The following OR2L13 variants were observed in gnomAD, a reference collection of about 807,000 sequenced individuals.
The protein encoded by OR2L13 is olfactory receptor 2L13.
In OR2L13, 14 loss-of-function variants were observed where a neutral mutation model predicts 15.3. That is an observed-to-expected ratio of 0.91 (90% confidence interval 0.60 to 1.43). OR2L13 has a LOEUF of 1.43. Among genes scored for constraint, OR2L13 ranks in the 40% most tolerant of loss-of-function variants. The pLI, the probability that OR2L13 is intolerant of heterozygous loss-of-function variation, is 0.00. For missense variants in OR2L13, 367 were observed against 387.9 expected, an observed-to-expected ratio of 0.95 and a Z score of 0.45; for synonymous variants, 152 against 142.9, an observed-to-expected ratio of 1.06 and a Z score of -0.45.
At chr1:248,039,232 G>A in the OR2L13 span, 5 of 1,578,276 alleles carry the variant, frequency 3.2e-6, no homozygotes, top group South Asian at 2.4e-5. Flanking sequence ...TAGAGTCAAA[G>A]CGCTAGGTTC....
the OR2L13 span, chr1:248,061,224 A>G: frequency 6.2e-7 from 1 of 1,611,424 alleles, no homozygotes; most frequent in African/African-American, 1.4e-5. Flanking sequence ...GTGATGTCCC[A>G]GCAATGGTGA....
At chr1:247,941,392 A>G in the OR2L13 span, among the ~76,000 whole-genome samples, 4 of 152,206 alleles carry the variant, frequency 2.6e-5, no homozygotes, top group Non-Finnish European at 4.4e-5. Context: ...GTTTAGATAT[A>G]TAAAGAATGG....
chr1:247,939,562 A>G, the OR2L13 span: 1 of 152,196 alleles, frequency 6.6e-6, no homozygotes, highest in Non-Finnish European at 1.5e-5. Flanking sequence ...TGGCACTGAC[A>G]GTGTTCTGGT....
chr1:247,946,807 A>G, the OR2L13 span, among the ~76,000 whole-genome samples: 33 of 152,264 alleles, frequency 2.2e-4, 1 homozygote, highest in South Asian at 6.6e-3. Context: ...TATGTCTGCA[A>G]TGAGGGGTTG....
At chr1:247,994,270 G>A in the OR2L13 span, among the ~76,000 whole-genome samples, 15 of 152,128 alleles carry the variant, frequency 9.9e-5, no homozygotes, top group Admixed American at 6.5e-4. Context: ...GGTGGCGGGC[G>A]CCTGTAGTCC....
chr1:247,958,451 A>G, the OR2L13 span, among the ~76,000 whole-genome samples: 9 of 152,146 alleles, frequency 5.9e-5, no homozygotes, highest in South Asian at 2.1e-4. Context: ...GTAGATGTCT[A>G]TTAGGTCCGC....
chr1:247,992,019 A>G, the OR2L13 span, among the ~76,000 whole-genome samples: 1 of 149,242 alleles, frequency 6.7e-6, no homozygotes, highest in Non-Finnish European at 1.5e-5. Flanking sequence ...CTTGAACAAC[A>G]TAGATCTGAA....
At chr1:248,044,287 A>G in the OR2L13 span, among the ~76,000 whole-genome samples, 1 of 152,200 alleles carries the variant, frequency 6.6e-6, no homozygotes, top group Non-Finnish European at 1.5e-5. Flanking sequence ...TTCAGACACA[A>G]AAAGAAAAAT....
the OR2L13 span, among the ~76,000 whole-genome samples, chr1:247,989,810 C>T: frequency 6.6e-6 from 1 of 152,060 alleles, no homozygotes; most frequent in African/African-American, 2.4e-5. Flanking sequence ...TGGAAAATTC[C>T]ACAAATGAGC....
chr1:247,943,400 A>G, the OR2L13 span, among the ~76,000 whole-genome samples: 6 of 152,192 alleles, frequency 3.9e-5, no homozygotes, highest in South Asian at 1.0e-3. Context: ...GTAACAAACC[A>G]CAAATGTACT....
chr1:248,071,444 T>G, the OR2L13 span, among the ~76,000 whole-genome samples: 1 of 152,160 alleles, frequency 6.6e-6, no homozygotes, highest in South Asian at 2.1e-4. Context: ...TGCTAAAAAC[T>G]CTCAATAAAT....
chr1:247,988,768 T>C, the OR2L13 span, among the ~76,000 whole-genome samples: 1 of 152,210 alleles, frequency 6.6e-6, no homozygotes, highest in African/African-American at 2.4e-5. Flanking sequence ...CCCAGGAAAC[T>C]GTCAAGTTGC....
At chr1:248,022,451 C>G in the OR2L13 span, 1 of 1,614,188 alleles carries the variant, frequency 6.2e-7, no homozygotes. Flanking sequence ...TCCCATATTG[C>G]AAGTCCAGAG....
chr1:247,959,900 G>A, the OR2L13 span, among the ~76,000 whole-genome samples: 1 of 150,364 alleles, frequency 6.7e-6, no homozygotes, highest in South Asian at 2.2e-4. Context: ...TCCTCCTTTA[G>A]CTCAGAGTAG....
the OR2L13 span, among the ~76,000 whole-genome samples, chr1:248,034,697 G>A: frequency 6.6e-6 from 1 of 151,988 alleles, no homozygotes; most frequent in Non-Finnish European, 1.5e-5. Context: ...TACTTCCTTG[G>A]TTAGGTTTAA....
the OR2L13 span, chr1:248,003,843 T>G: frequency 3.1e-6 from 5 of 1,613,320 alleles, no homozygotes; most frequent in South Asian, 5.5e-5. Flanking sequence ...AAGGCCTACC[T>G]GACCTGCAGC....
At chr1:248,059,258 C>T in the OR2L13 span, among the ~76,000 whole-genome samples, 1 of 152,134 alleles carries the variant, frequency 6.6e-6, no homozygotes, top group Admixed American at 6.5e-5. Context: ...CTAAAAAACT[C>T]CAGTTCTTTT....
At chr1:247,975,457 G>A in the OR2L13 span, 2 of 766,044 alleles carry the variant, frequency 2.6e-6, no homozygotes, top group African/African-American at 3.5e-5. Flanking sequence ...CCACCTCACT[G>A]TAGTAATTTT....
chr1:247,963,810 A>G, the OR2L13 span, among the ~76,000 whole-genome samples: 1 of 152,312 alleles, frequency 6.6e-6, no homozygotes, highest in African/African-American at 2.4e-5. Flanking sequence ...AGGTAGACAC[A>G]TATATGACCA....
Sources: gnomAD v4.1 joint callset for allele counts (sites outside exome capture counted in the v4.1 genomes callset) on GRCh38, gnomAD v4.1.1 for gene constraint, MANE v1.5 for transcripts, NCBI Gene and HGNC (gene_info 2026-07-23, HGNC 2026-07-21) for gene names.